EPC2: variants seen among roughly 807,000 people sequenced by gnomAD.
EPC2 encodes the protein enhancer of polycomb 2.
In EPC2, 14 loss-of-function variants were observed where a neutral mutation model predicts 92.1. The observed-to-expected ratio is 0.15, with a 90% CI of 0.10 to 0.24. The LOEUF is 0.24. Ranked by LOEUF, EPC2 falls within the 10% of genes least tolerant of loss-of-function variation. The pLI is 1.00. For missense variants in EPC2, 755 were observed against 971.5 expected, an observed-to-expected ratio of 0.78 and a Z score of 2.96; for synonymous variants, 340 against 334.7, an observed-to-expected ratio of 1.02 and a Z score of -0.17.
chr2:148,685,928 A>T (rs538922737), intron 1 of EPC2, among the ~76,000 whole-genome samples: 1 of 152,208 alleles, frequency 6.6e-6, no homozygotes, highest in African/African-American at 2.4e-5. Flanking sequence ...GTTATTCACA[A>T]TCTTTTTACT....
chr2:148,706,820 G>A (rs923753436), intron 2 of EPC2, among the ~76,000 whole-genome samples: 4 of 152,088 alleles, frequency 2.6e-5, no homozygotes, highest in African/African-American at 9.7e-5. Context: ...TCACCACCAG[G>A]CTTGCCGTAC....
intron 1 of EPC2, among the ~76,000 whole-genome samples, chr2:148,646,242 T>C (rs1399502454): frequency 6.6e-6 from 1 of 152,214 alleles, no homozygotes; most frequent in African/African-American, 2.4e-5. Flanking sequence ...GTTTCAGTGA[T>C]TGGTTTTCTC....
At position 148,669,673 on chromosome 2, in the gene EPC2, A is replaced by G. The variant is rs114832494; in HGVS notation, c.154-20541A>G. On this transcript the variant is annotated intron_variant, in intron 1 of 13. Coordinates refer to ENST00000258484, the MANE Select transcript of EPC2 (RefSeq NM_015630.4). ...ATCATCCAAAAGAGTTTGAGGGACT[A>G]GTGCCTGTTCGTAGCAAGACTGGAA... is the stretch of plus-strand genomic sequence containing the variant. Among the ~76,000 whole-genome samples, 855 of 152,284 alleles carry G rather than the reference A, an allele frequency of 5.6e-3. 8 individuals carry two copies. Among genetic ancestry groups the G allele is most frequent in the African/African-American group, 0.02 (813 of 41,558 alleles).
At chr2:148,754,255 A>G in intron 4 of EPC2, 122 bp downstream of exon 4, 1 of 795,860 alleles carries the variant, frequency 1.3e-6, no homozygotes, top group Non-Finnish European at 2.0e-6. Flanking sequence ...GACTTTCTAT[A>G]AGAAATCCTA....
At chr2:148,672,158 A>G (rs959155963) in intron 1 of EPC2, among the ~76,000 whole-genome samples, 3 of 152,158 alleles carry the variant, frequency 2.0e-5, no homozygotes, top group African/African-American at 7.2e-5. Flanking sequence ...AGTAAGTCTT[A>G]TAATTGTTAT....
chr2:148,743,600 A>G, intron 2 of EPC2, 22 bp from the exon 3 acceptor site: 1 of 1,513,760 alleles, frequency 6.6e-7, no homozygotes, highest in Non-Finnish European at 8.8e-7. Context: ...CTGAGTTTGA[A>G]GAATTTTTCT....
intron 2 of EPC2, among the ~76,000 whole-genome samples, chr2:148,715,851 A>T (rs568048112): frequency 6.6e-6 from 1 of 152,242 alleles, no homozygotes; most frequent in Non-Finnish European, 1.5e-5. Context: ...CTTCCCACCC[A>T]TGAACATGGA....
chr2:148,662,636 G>T (rs1245848765), intron 1 of EPC2, among the ~76,000 whole-genome samples: 1 of 151,932 alleles, frequency 6.6e-6, no homozygotes. Flanking sequence ...ATGGACACAG[G>T]AAGGGGACCA....
At chr2:148,674,488 A>G (rs1681224289) in intron 1 of EPC2, among the ~76,000 whole-genome samples, 1 of 152,152 alleles carries the variant, frequency 6.6e-6, no homozygotes, top group East Asian at 1.9e-4. Context: ...TTGCCTCATC[A>G]CACCAAGTTG....
At chr2:148,676,692 T>G (rs905923072) in intron 1 of EPC2, among the ~76,000 whole-genome samples, 2 of 152,050 alleles carry the variant, frequency 1.3e-5, no homozygotes, top group African/African-American at 4.8e-5. Flanking sequence ...TATGTTGTTT[T>G]TTTACTGCTG....
chr2:148,784,441 T>G (rs186058302), intron 12 of EPC2, among the ~76,000 whole-genome samples: 2 of 152,346 alleles, frequency 1.3e-5, no homozygotes, highest in East Asian at 3.9e-4. Context: ...CAGAATACTT[T>G]GCAAAGCCGT....
chr2:148,703,327 T>G (rs534367654), intron 2 of EPC2, among the ~76,000 whole-genome samples: 24 of 148,528 alleles, frequency 1.6e-4, no homozygotes, highest in African/African-American at 5.3e-4. Context: ...TATAGTGCAG[T>G]TTTTTTTTAA....
At chr2:148,712,244 G>GGT (rs760099746) in intron 2 of EPC2, among the ~76,000 whole-genome samples, 195 of 149,486 alleles carry the variant, frequency 1.3e-3, no homozygotes, top group Middle Eastern at 3.5e-3. Context: ...TGTGTGTGGG[G>GGT]GTGTGTGTGT....
chr2:148,699,001 G>A (rs557074551), intron 2 of EPC2, among the ~76,000 whole-genome samples: 4 of 151,928 alleles, frequency 2.6e-5, no homozygotes, highest in Admixed American at 1.3e-4. Flanking sequence ...ATATCCTTCC[G>A]TAGTCAGCAG....
chr2:148,702,568 G>T (rs953909861), intron 2 of EPC2, among the ~76,000 whole-genome samples: 4 of 152,116 alleles, frequency 2.6e-5, no homozygotes, highest in Non-Finnish European at 1.5e-5. Context: ...TTTCTTTTGG[G>T]CATATACCCA....
intron 1 of EPC2, among the ~76,000 whole-genome samples, chr2:148,654,082 G>C (rs1680740593): frequency 6.6e-6 from 1 of 151,498 alleles, no homozygotes; most frequent in Non-Finnish European, 1.5e-5. Context: ...CAAGTAGCTT[G>C]GGACTATAGG....
intron 1 of EPC2, among the ~76,000 whole-genome samples, chr2:148,676,129 T>TC (rs905289226): frequency 7.1e-6 from 1 of 140,698 alleles, no homozygotes; most frequent in Non-Finnish European, 1.5e-5. Context: ...ATTACTTAGT[T>TC]TTTTTTTTTT....
At chr2:148,754,248 T>C (rs1363845425) in intron 4 of EPC2, 115 bp downstream of exon 4, 2 of 834,166 alleles carry the variant, frequency 2.4e-6, no homozygotes, top group Middle Eastern at 3.7e-4. Context: ...CATTGATGAC[T>C]TTCTATAAGA....
rs184887994 is a variant in EPC2, at chr2:148,670,736, G to A, written c.154-19478G>A. ...CTTCCCTGTCCCCTCCCTTCCCCTCGGTCTCACTCTGCTGCCCAGGCTAGA... is the reference window on the plus strand; with the variant it reads ...CTTCCCTGTCCCCTCCCTTCCCCTCAGTCTCACTCTGCTGCCCAGGCTAGA... On this transcript the variant is annotated intron_variant, in intron 1 of 13. Coordinates refer to ENST00000258484, the MANE Select transcript of EPC2 (RefSeq NM_015630.4). Among the ~76,000 whole-genome samples, 329 of 151,636 alleles carry A rather than the reference G, an allele frequency of 2.2e-3. 15 individuals are homozygous for A. Among genetic ancestry groups the A allele is most frequent in the Admixed American group, 0.02 (304 of 15,232 alleles).
Sources: allele counts gnomAD v4.1 joint callset (sites outside exome capture counted in the v4.1 genomes callset), GRCh38; gene constraint gnomAD v4.1.1; transcripts MANE v1.5; gene names NCBI Gene and HGNC (gene_info 2026-07-23, HGNC 2026-07-21).